CMTM4: variants seen among roughly 807,000 people sequenced by gnomAD.
CMTM4 encodes the protein CKLF like MARVEL transmembrane domain containing 4.
In CMTM4, 8 loss-of-function variants were observed where a neutral mutation model predicts 19.0. The observed-to-expected ratio is 0.42, with a 90% confidence interval of 0.25 to 0.76. The LOEUF (loss-of-function observed/expected upper bound fraction) is 0.76. Ranked by LOEUF, CMTM4 falls within the 30% of genes least tolerant of loss-of-function variation. The pLI, the probability that CMTM4 is intolerant of heterozygous loss-of-function variation, is 0.27. For missense variants in CMTM4, 228 were observed against 290.2 expected (o/e 0.79, Z 1.56); for synonymous variants, 106 against 121.1 (o/e 0.88, Z 0.82).
the CMTM4 span, among the ~76,000 whole-genome samples, chr16:66,600,136 G>GGTTTTTTTTTT: frequency 9.6e-5 from 13 of 135,160 alleles, no homozygotes; most frequent in South Asian, 2.4e-4. Flanking sequence ...GTGTGTGTGT[G>GGTTTTTTTTTT]TTTTTTTTTG....
At chr16:66,659,775 C>CA (rs1367258552) in intron 1 of CMTM4, among the ~76,000 whole-genome samples, 2 of 151,872 alleles carry the variant, frequency 1.3e-5, no homozygotes, top group Non-Finnish European at 2.9e-5. Flanking sequence ...AATATTACAA[C>CA]AAAAAAGGAG....
At chr16:66,629,560 T>C (rs2015809137) in intron 2 of CMTM4, among the ~76,000 whole-genome samples, 1 of 152,242 alleles carries the variant, frequency 6.6e-6, no homozygotes, top group Non-Finnish European at 1.5e-5. Context: ...TCTTGAGTGA[T>C]ATGAGCATCT....
intron 1 of CMTM4, among the ~76,000 whole-genome samples, chr16:66,678,518 G>GTATT (rs1297155816): frequency 3.3e-5 from 5 of 152,138 alleles, no homozygotes; most frequent in Non-Finnish European, 7.4e-5. Context: ...TGATCCTATG[G>GTATT]TATTTGCACC....
At chr16:66,610,019 G>C, downstream of CMTM4, 3 of 1,614,068 alleles carry the variant, frequency 1.9e-6, no homozygotes, top group Non-Finnish European at 1.7e-6. The surrounding 1 kb of genome is among the most constrained non-coding windows in gnomAD (Gnocchi z 4.6). Context: ...CGGCTGCCCT[G>C]ATCACCCCAG....
chr16:66,605,378 C>G, the CMTM4 span: 6,477 of 154,886 alleles, frequency 0.042, 229 homozygotes, highest in East Asian at 0.12. This position sits in a 1 kb window ranked among gnomAD's most constrained non-coding sequence, Gnocchi z 4.6. Flanking sequence ...GGGGCCGAGC[C>G]GGCGGGGGGC....
chr16:66,648,219 G>A (rs1390315106), intron 1 of CMTM4, among the ~76,000 whole-genome samples: 1 of 152,242 alleles, frequency 6.6e-6, no homozygotes, highest in African/African-American at 2.4e-5. Context: ...GCTCTGAAAT[G>A]TAGCTGCTCT....
chr16:66,659,278 G>A (rs949982378), intron 1 of CMTM4, among the ~76,000 whole-genome samples: 2 of 152,006 alleles, frequency 1.3e-5, no homozygotes, highest in Admixed American at 6.6e-5. Flanking sequence ...GGGAGGCTGA[G>A]GCACAAGAAT....
rs2015501378 is a variant in CMTM4 at position 66,615,086 on chromosome 16, CAT to C, written c.*6970_*6971del. Reference sequence around the variant, plus strand: ...TCCACGTCAGCTGAAAAACCAAACACATAAACCTAAGTTTGCCCAACGGGCAT... The same window carrying C: ...TCCACGTCAGCTGAAAAACCAAACACAAACCTAAGTTTGCCCAACGGGCAT... On this transcript the variant is annotated 3_prime_UTR_variant, in exon 4 of 4. Coordinates refer to ENST00000394106, the MANE Select transcript of CMTM4 (RefSeq NM_181521.3). The surrounding 1 kb of genome is among the most constrained non-coding windows in gnomAD (Gnocchi z 4.9). The C allele has an allele frequency of 6.6e-6, 1 of 152,272 alleles. No individual in the cohort carries two copies. Among genetic ancestry groups the C allele is most frequent in the South Asian group, 2.1e-4 (1 of 4,836 alleles). The allele number at this position is 152,272 out of a possible 1,614,324, so 9.4% of individuals were successfully genotyped here.
At chr16:66,675,395 A>G (rs1441525723) in intron 1 of CMTM4, among the ~76,000 whole-genome samples, 1 of 151,492 alleles carries the variant, frequency 6.6e-6, no homozygotes, top group Non-Finnish European at 1.5e-5. Flanking sequence ...CAGAATTTTA[A>G]CAAAAATTTT....
At chr16:66,693,044 C>T (rs1486404846) in intron 1 of CMTM4, among the ~76,000 whole-genome samples, 1 of 151,706 alleles carries the variant, frequency 6.6e-6, no homozygotes, top group Admixed American at 6.6e-5. Flanking sequence ...GCCAACATGA[C>T]GAAACCCCGT....
At chr16:66,675,469 A>C (rs868052400) in intron 1 of CMTM4, among the ~76,000 whole-genome samples, 2 of 151,470 alleles carry the variant, frequency 1.3e-5, no homozygotes, top group Non-Finnish European at 2.9e-5. Flanking sequence ...AAAAAAAAAA[A>C]AAAAAAAACC....
rs557347518 is a variant in CMTM4, at chr16:66,623,706, C to G, written c.364-204G>C. On this transcript the variant is annotated intron_variant, in intron 2 of 3. Coordinates refer to ENST00000394106, the MANE Select transcript of CMTM4 (RefSeq NM_181521.3). ...GACACTACTTGATAAATCACCACCA[C>G]AAAATCTACATTTTCACCAACCCCA... Among the ~76,000 whole-genome samples, 6 of 152,320 alleles carry G rather than the reference C, an allele frequency of 3.9e-5. No homozygotes were observed. In the South Asian group the frequency reaches 1.2e-3, roughly 32 times the overall value.
At chr16:66,636,603 T>C (rs768457795) in intron 1 of CMTM4, 22 bp from the exon 2 acceptor site, 9 of 1,587,636 alleles carry the variant, frequency 5.7e-6, no homozygotes, top group African/African-American at 2.7e-5. Context: ...ATTGGAAACA[T>C]ATATGTACGT....
intron 1 of CMTM4, among the ~76,000 whole-genome samples, chr16:66,659,503 A>G (rs1326586689): frequency 6.6e-6 from 1 of 152,218 alleles, no homozygotes; most frequent in African/African-American, 2.4e-5. Flanking sequence ...TTGTAAGATT[A>G]AGAGAGACTT....
intron 2 of CMTM4, 77 bp downstream of exon 2, chr16:66,636,328 C>A: frequency 8.4e-7 from 1 of 1,193,990 alleles, no homozygotes; most frequent in Admixed American, 2.2e-5. Flanking sequence ...CAAACATGAC[C>A]TGGAGAGATT....
chr16:66,686,998 C>T (rs1018300081), intron 1 of CMTM4, among the ~76,000 whole-genome samples: 2 of 152,004 alleles, frequency 1.3e-5, no homozygotes, highest in South Asian at 2.1e-4. Flanking sequence ...TGTCATAATA[C>T]GATGATTATT....
intron 2 of CMTM4, among the ~76,000 whole-genome samples, chr16:66,626,814 T>C (rs72790454): frequency 0.044 from 6,673 of 150,838 alleles, 273 homozygotes; most frequent in East Asian, 0.16. Flanking sequence ...GAAAATCATA[T>C]TGGGGGCCAG....
the CMTM4 span, chr16:66,603,732 G>GA: frequency 6.6e-6 from 1 of 152,330 alleles, no homozygotes; most frequent in African/African-American, 2.4e-5. Flanking sequence ...TGCCCAGAGA[G>GA]AAAACCTAAG....
chr16:66,630,324 C>A (rs1244018805), intron 2 of CMTM4, among the ~76,000 whole-genome samples: 1 of 105,172 alleles, frequency 9.5e-6, no homozygotes. Context: ...CCCCCTCCCC[C>A]CTCCCTCTCC....
Sources: allele counts gnomAD v4.1 joint callset (sites outside exome capture counted in the v4.1 genomes callset), GRCh38; gene constraint gnomAD v4.1.1; non-coding constraint Gnocchi (gnomAD v3.1); transcripts MANE v1.5; gene names NCBI Gene and HGNC (gene_info 2026-07-23, HGNC 2026-07-21).